Variants in AGL observed in about 807,000 individuals in gnomAD.
The protein encoded by AGL is amylo-alpha-1,6-glucosidase and 4-alpha-glucanotransferase.
AGL carries 128 observed loss-of-function variants against 199.3 expected under a neutral mutation model. That is an observed-to-expected ratio of 0.64 (90% CI 0.56 to 0.74). AGL has a LOEUF of 0.74. AGL is among the 30% of genes least tolerant of loss of function. The pLI is 0.00. For missense variants in AGL, 1,809 were observed against 1,820.8 expected (o/e 0.99, Z 0.12); for synonymous variants, 584 against 594.7 (o/e 0.98, Z 0.26).
chr1:99,881,114 T>G lies in AGL; in HGVS notation c.1938T>G (p.Ile646Met). The G allele has an allele frequency of 6.2e-7, 1 of 1,614,046 alleles. No homozygotes were observed. Among genetic ancestry groups the G allele is most frequent in the Non-Finnish European group, 8.5e-7 (1 of 1,179,944 alleles). Residue 646 changes from isoleucine to methionine, a missense_variant, in exon 15 of 34, where the codon ATT becomes ATG. Coordinates refer to ENST00000361915, the MANE Select transcript of AGL (RefSeq NM_000642.3). ...ATGATGCTCTTCCAAGTACTACAAT[T>G]GTTTCTATGGCATGTTGTGCTAGTG... ...SAYDALPSTT[I>M]VSMACCASGS...
intron 2 of AGL, 121 bp from the exon 3 acceptor site, chr1:99,861,382 G>A (rs970179349): frequency 1.9e-5 from 29 of 1,544,828 alleles, no homozygotes; most frequent in Non-Finnish European, 2.3e-5. Flanking sequence ...TTAGGTTTGC[G>A]GAGTTATTTT....
At chr1:99,870,303 T>G in intron 5 of AGL, 97 bp from the exon 6 acceptor site, 1 of 1,276,934 alleles carries the variant, frequency 7.8e-7, no homozygotes, top group Non-Finnish European at 1.1e-6. Flanking sequence ...AAAAAATGAG[T>G]GGTAGATCTT....
At chr1:99,907,559 ACACTCTT>A (rs1306587006) in intron 27 of AGL, among the ~76,000 whole-genome samples, 5 of 152,070 alleles carry the variant, frequency 3.3e-5, no homozygotes, top group Admixed American at 1.3e-4. Context: ...GTGCCATTTT[ACACTCTT>A]ACTAATAGTA....
At chr1:99,880,171 T>A in intron 13 of AGL, 125 bp downstream of exon 13, 1 of 1,392,976 alleles carries the variant, frequency 7.2e-7, no homozygotes, top group Non-Finnish European at 1.0e-6. Context: ...TTCTAAATAC[T>A]TTGTATGACA....
intron 7 of AGL, chr1:99,874,479 C>CA (rs1255866151): frequency 1.9e-6 from 1 of 525,338 alleles, no homozygotes; most frequent in Non-Finnish European, 3.4e-6. Flanking sequence ...TTCTCCCCCA[C>CA]ACCCCTCGTG....
At chr1:99,878,312 T>A (rs1408114093) in intron 12 of AGL, among the ~76,000 whole-genome samples, 1 of 151,900 alleles carries the variant, frequency 6.6e-6, no homozygotes, top group Non-Finnish European at 1.5e-5. Flanking sequence ...ACCACTGCAC[T>A]CCAGCCTGGC....
intron 2 of AGL, among the ~76,000 whole-genome samples, chr1:99,856,922 G>GTCA (rs1491303700): frequency 1.2e-4 from 18 of 152,152 alleles, no homozygotes; most frequent in African/African-American, 3.9e-4. Context: ...AACCGCCGTC[G>GTCA]TCATCATGGC....
At chr1:99,881,798 C>A in intron 17 of AGL, 107 bp downstream of exon 17, 1 of 1,105,140 alleles carries the variant, frequency 9.0e-7, no homozygotes, top group Non-Finnish European at 1.3e-6. Flanking sequence ...TATTATAACA[C>A]AGTGCTACTG....
At chr1:99,874,639 C>A (rs533182363) in intron 7 of AGL, 48 bp from the exon 8 acceptor site, 11 of 1,553,804 alleles carry the variant, frequency 7.1e-6, no homozygotes, top group African/African-American at 5.4e-5. Context: ...CAGTTATAAT[C>A]TCTTTGTAGA....
chr1:99,917,114 A>G (rs1655183173), intron 33 of AGL, among the ~76,000 whole-genome samples: 1 of 152,176 alleles, frequency 6.6e-6, no homozygotes, highest in Non-Finnish European at 1.5e-5. Context: ...TGCTTTCATT[A>G]TAGTTAAAAT....
Position 99,864,558 on chromosome 1 carries a change from T to C in AGL, c.633T>C (p.Ile211=), listed in dbSNP as rs550589094. The part of the protein sequence containing the change: ...VEKLKKEWNV[I]CITDVVYNHT... ...AATTAAAAAAGGAATGGAATGTTAT[T>C]TGTATTACTGATGTTGTCTACAATC... The change falls in exon 5 of 34, where the codon ATT becomes ATC. Residue 211 remains isoleucine, a synonymous_variant. Transcript: ENST00000361915. 6.2e-7 allele frequency: 1 copy of C among 1,613,886 alleles called. No homozygotes were observed. Among genetic ancestry groups the C allele is most frequent in the East Asian group, 2.2e-5 (1 of 44,822 alleles).
chr1:99,870,501 C>T lies in AGL; in HGVS notation c.766C>T (p.Arg256Cys), dbSNP rs757347826. Residue 256 changes from arginine to cysteine, a missense_variant, in exon 6 of 34, where the codon CGT becomes TGT. Coordinates refer to ENST00000361915, the MANE Select transcript of AGL (RefSeq NM_000642.3). ...PAWVLDRALW[R>C]FSCDVAEGKY... ...CTGGGTCTTAGACAGAGCACTTTGG[C>T]GTTTCTCCTGTGATGTTGCAGAAGG... The T allele has an allele frequency of 9.0e-5, 145 of 1,613,792 alleles. No homozygotes were observed. Among genetic ancestry groups the T allele is most frequent in the Non-Finnish European group, 1.1e-4 (135 of 1,179,932 alleles).
chr1:99,854,784 T>C (rs1452470302), intron 2 of AGL, among the ~76,000 whole-genome samples: 1 of 148,242 alleles, frequency 6.7e-6, no homozygotes, highest in East Asian at 2.0e-4. Context: ...AAAAAGATAA[T>C]TTGAAATGTG....
At chr1:99,879,072 G>T (rs1246292057) in intron 12 of AGL, among the ~76,000 whole-genome samples, 1 of 152,136 alleles carries the variant, frequency 6.6e-6, no homozygotes, top group Non-Finnish European at 1.5e-5. Context: ...ATAATAAACA[G>T]CTAGATAGAT....
In AGL at chr1:99,881,576, A is replaced by G. The variant is rs1652031034; in HGVS notation, c.2193A>G (p.Ala731=). Residue 731 remains alanine (A), a synonymous_variant, in exon 17 of 34, where the codon GCA becomes GCG. Coordinates refer to ENST00000361915, the MANE Select transcript of AGL (RefSeq NM_000642.3). The stretch of plus-strand genomic sequence containing the variant: ...ATCAAGTTGATGAAGACATAGTGGC[A>G]GTAACAAGACACTCACCTAGCATCC... ...YVDQVDEDIV[A]VTRHSPSIHQ... is the part of the protein sequence containing the mutation. 6.2e-7 allele frequency: 1 copy of G among 1,613,974 alleles called. No homozygotes were observed. The highest frequency in any genetic ancestry group is 1.7e-5 in the Admixed American group (1 of 59,990).
In AGL at chr1:99,864,548, G is replaced by C. The variant is rs772920146; in HGVS notation, c.623G>C (p.Trp208Ser). ...GQLVEKLKKE[W>S]NVICITDVVY... ...CTAGTGGAAAAATTAAAAAAGGAAT[G>C]GAATGTTATTTGTATTACTGATGTT... Residue 208 changes from tryptophan (W) to serine (S), a missense_variant, in exon 5 of 34, where the codon TGG (tryptophan) becomes TCG (serine). Coordinates refer to ENST00000361915, the MANE Select transcript of AGL (RefSeq NM_000642.3). The C allele has an allele frequency of 1.2e-6, 2 of 1,613,860 alleles. No individual in the cohort carries two copies. The highest frequency in any genetic ancestry group is 4.5e-5 in the East Asian group (2 of 44,826).
chr1:99,895,399 G>A (rs899399918), intron 24 of AGL, among the ~76,000 whole-genome samples: 1 of 152,148 alleles, frequency 6.6e-6, no homozygotes, highest in Non-Finnish European at 1.5e-5. Context: ...AGGATTTAAT[G>A]TGCCAGATAA....
intron 27 of AGL, among the ~76,000 whole-genome samples, chr1:99,906,208 C>A (rs1391114904): frequency 6.6e-6 from 1 of 152,108 alleles, no homozygotes; most frequent in Non-Finnish European, 1.5e-5. Context: ...TCCTAGGGAC[C>A]TCATATAAGC....
In AGL at chr1:99,884,593, A is replaced by G. The variant is rs373619867; in HGVS notation, c.2571A>G (p.Gln857=). ...GAGTTAGTCTTGATCCACATGCACA[A>G]GTCGCTGTTGGAATTCTTCGAAATC... ...IFRVSLDPHA[Q]VAVGILRNHL... Residue 857 remains glutamine, a synonymous_variant, in exon 20 of 34, where the codon CAA becomes CAG. Transcript: ENST00000361915. 6.2e-6 allele frequency: 10 copies of G among 1,613,906 alleles called. No individual in the cohort carries two copies. The highest frequency in any genetic ancestry group is 1.3e-5 in the African/African-American group (1 of 74,930).
Sources: gnomAD v4.1 joint callset for allele counts (sites outside exome capture counted in the v4.1 genomes callset) on GRCh38, gnomAD v4.1.1 for gene constraint, MANE v1.5 for transcripts, NCBI Gene and HGNC (gene_info 2026-07-23, HGNC 2026-07-21) for gene names.